The following LRFN2 variants were observed in gnomAD, a reference collection of about 807,000 sequenced individuals.
LRFN2 encodes leucine rich repeat and fibronectin type III domain containing 2.
Under a neutral mutation model 37.3 loss-of-function variants are expected in LRFN2, and 18 were observed. That is an observed-to-expected ratio of 0.48 (90% CI 0.33 to 0.72). The LOEUF (loss-of-function observed/expected upper bound fraction) is 0.72, where lower values mean the gene tolerates loss of function less well. Among genes scored for constraint, LRFN2 ranks in the 30% least tolerant of loss-of-function variants. The pLI, the probability that LRFN2 is intolerant of heterozygous loss-of-function variation, is 0.02. For missense variants in LRFN2, 1,006 were observed against 1,060.7 expected (o/e 0.95, Z 0.72); for synonymous variants, 556 against 466.6 (o/e 1.19, Z -2.47).
At chr6:40,577,784 G>A (rs1406491142) in intron 1 of LRFN2, among the ~76,000 whole-genome samples, 17 of 96,042 alleles carry the variant, frequency 1.8e-4, no homozygotes, top group African/African-American at 6.9e-4. Flanking sequence ...AAAAAAAAAA[G>A]GAAAAAATAA....
intron 1 of LRFN2, among the ~76,000 whole-genome samples, chr6:40,542,406 T>C (rs940424485): frequency 6.6e-6 from 1 of 151,576 alleles, no homozygotes; most frequent in Non-Finnish European, 1.5e-5. Context: ...AGCAGGCTGA[T>C]GGGTGGGCGG....
intron 2 of LRFN2, among the ~76,000 whole-genome samples, chr6:40,398,892 G>A (rs938258163): frequency 4.6e-5 from 7 of 151,868 alleles, no homozygotes; most frequent in Non-Finnish European, 1.0e-4. Flanking sequence ...AGAGGTCTAT[G>A]AAATCACAGG....
Position 40,392,976 on chromosome 6 carries a change from GT to G in LRFN2, c.1401-65del. 1 of 1,486,660 alleles carries G rather than the reference GT, an allele frequency of 6.7e-7. No homozygotes were observed. The highest frequency in any genetic ancestry group is 1.3e-5 in the South Asian group (1 of 77,768). 92.1% of individuals were successfully genotyped at this position (1,486,660 alleles called of 1,614,324 possible). ...GGGTGGAAGGACAGGGTGATGGGGA[GT>G]GGACAGAGGTAGAAACAGAGTGACA... On this transcript the variant is annotated intron_variant, in intron 2 of 2. Coordinates refer to ENST00000338305, the MANE Select transcript of LRFN2 (RefSeq NM_020737.3). The surrounding 1 kb of genome is among the most constrained non-coding windows in gnomAD (Gnocchi z 4.7).
intron 2 of LRFN2, among the ~76,000 whole-genome samples, chr6:40,429,780 A>G (rs1459341934): frequency 6.6e-6 from 1 of 152,220 alleles, no homozygotes; most frequent in South Asian, 2.1e-4. Flanking sequence ...AAAATGAGAA[A>G]CCACCTGAAT....
intron 1 of LRFN2, among the ~76,000 whole-genome samples, chr6:40,451,209 G>A (rs1212329154): frequency 1.3e-5 from 2 of 152,180 alleles, no homozygotes; most frequent in Non-Finnish European, 2.9e-5. Flanking sequence ...GCATTTTTCT[G>A]TAAAGAGTGC....
intron 1 of LRFN2, among the ~76,000 whole-genome samples, chr6:40,493,681 G>A (rs1765150962): frequency 6.6e-6 from 1 of 152,202 alleles, no homozygotes; most frequent in African/African-American, 2.4e-5. Flanking sequence ...CTGCCCCACT[G>A]CCTTGCAGCC....
intron 2 of LRFN2, among the ~76,000 whole-genome samples, chr6:40,403,530 G>T (rs1162307041): frequency 1.3e-5 from 2 of 152,212 alleles, no homozygotes; most frequent in Non-Finnish European, 2.9e-5. Flanking sequence ...CTTACTGGCA[G>T]TTACTTTAGA....
intron 1 of LRFN2, among the ~76,000 whole-genome samples, chr6:40,506,761 C>T (rs1765553278): frequency 6.6e-6 from 1 of 152,080 alleles, no homozygotes; most frequent in Non-Finnish European, 1.5e-5. Context: ...TAAGAAGGAG[C>T]CCAGGATAGG....
At chr6:40,415,459 C>T (rs1000821781) in intron 2 of LRFN2, among the ~76,000 whole-genome samples, 1 of 152,114 alleles carries the variant, frequency 6.6e-6, no homozygotes, top group Non-Finnish European at 1.5e-5. Context: ...CTCCTGACCT[C>T]AGGTGATCCA....
chr6:40,500,142 C>T lies in LRFN2; in HGVS notation c.-18-67011G>A, dbSNP rs1581753663. On this transcript the variant is annotated intron_variant, in intron 1 of 2. Coordinates refer to ENST00000338305, the MANE Select transcript of LRFN2 (RefSeq NM_020737.3). ...TGGGTCCTGGGCCCTCAGAGAAACC[C>T]CATCAGCCTGGTGTTCTCACAGGTT... is the stretch of plus-strand genomic sequence containing the variant. 2.0e-5 allele frequency among the ~76,000 whole-genome samples: 3 copies of T among 152,354 alleles called. No homozygotes were observed. In the South Asian group the frequency reaches 6.2e-4, roughly 32 times the overall value.
intron 1 of LRFN2, among the ~76,000 whole-genome samples, chr6:40,482,100 C>T (rs2113864134): frequency 6.6e-6 from 1 of 152,238 alleles, no homozygotes; most frequent in South Asian, 2.1e-4. Flanking sequence ...TGGGGGCTGG[C>T]CCTTGTATCC....
At chr6:40,557,131 G>C (rs1250267658) in intron 1 of LRFN2, among the ~76,000 whole-genome samples, 1 of 152,086 alleles carries the variant, frequency 6.6e-6, no homozygotes, top group Non-Finnish European at 1.5e-5. Flanking sequence ...AAGCCTTTGG[G>C]ATGGGGCAGC....
At chr6:40,533,917 C>A (rs1465126591) in intron 1 of LRFN2, among the ~76,000 whole-genome samples, 3 of 152,220 alleles carry the variant, frequency 2.0e-5, no homozygotes, top group African/African-American at 7.2e-5. Context: ...TGATGAAGGG[C>A]CAAGTGTGCC....
chr6:40,538,714 C>T (rs112422252), intron 1 of LRFN2, among the ~76,000 whole-genome samples: 32 of 152,338 alleles, frequency 2.1e-4, no homozygotes, highest in African/African-American at 4.1e-4. Flanking sequence ...TGACGCAGGG[C>T]GTCCTCTCAG....
At chr6:40,464,079 T>C (rs1764406089) in intron 1 of LRFN2, among the ~76,000 whole-genome samples, 1 of 152,218 alleles carries the variant, frequency 6.6e-6, no homozygotes, top group South Asian at 2.1e-4. Context: ...TTCTAGACTG[T>C]GTTCCACCAA....
At chr6:40,490,639 C>T (rs1424762731) in intron 1 of LRFN2, among the ~76,000 whole-genome samples, 1 of 152,218 alleles carries the variant, frequency 6.6e-6, no homozygotes, top group African/African-American at 2.4e-5. Flanking sequence ...TGGCACAGGC[C>T]ACAGCATATG....
intron 1 of LRFN2, among the ~76,000 whole-genome samples, chr6:40,482,087 A>T (rs1473458623): frequency 6.6e-6 from 1 of 152,184 alleles, no homozygotes; most frequent in African/African-American, 2.4e-5. Context: ...AGGCAGTGTG[A>T]CATGGGGGCT....
chr6:40,512,305 A>G (rs1765733672), intron 1 of LRFN2, among the ~76,000 whole-genome samples: 1 of 152,216 alleles, frequency 6.6e-6, no homozygotes, highest in Non-Finnish European at 1.5e-5. Flanking sequence ...TAACACTGCC[A>G]CATTCTGTCA....
intron 1 of LRFN2, among the ~76,000 whole-genome samples, chr6:40,537,825 C>A (rs969639167): frequency 6.6e-6 from 1 of 152,004 alleles, no homozygotes; most frequent in Non-Finnish European, 1.5e-5. Flanking sequence ...AGGGAGGGGA[C>A]ATATGAGGGA....
Sources: allele counts gnomAD v4.1 joint callset (sites outside exome capture counted in the v4.1 genomes callset), GRCh38; gene constraint gnomAD v4.1.1; non-coding constraint Gnocchi (gnomAD v3.1); transcripts MANE v1.5; gene names NCBI Gene and HGNC (gene_info 2026-07-23, HGNC 2026-07-21).